The following DDX60 variants were observed in gnomAD, a reference collection of about 807,000 sequenced individuals.
DDX60 encodes the protein DExD/H-box helicase 60.
In DDX60, 165 loss-of-function variants were observed where a neutral mutation model predicts 212.8. The ratio of observed to expected loss-of-function variants is 0.78; its 90% CI spans 0.68 to 0.88. The LOEUF (loss-of-function observed/expected upper bound fraction) is 0.88, where lower values mean the gene tolerates loss of function less well. DDX60 is among the 40% of genes least tolerant of loss of function. The pLI is 0.00. For synonymous variants in DDX60, 703 were observed against 685.3 expected (o/e 1.03, Z -0.40); for missense variants, 1,905 against 2,003.9 (o/e 0.95, Z 0.94).
intron 33 of DDX60, among the ~76,000 whole-genome samples, chr4:168,234,311 C>A (rs1052215596): frequency 3.3e-5 from 5 of 151,860 alleles, no homozygotes; most frequent in Non-Finnish European, 7.4e-5. Flanking sequence ...TTTTCTCCAC[C>A]ATTTTTTTTT....
At position 168,252,558 on chromosome 4, in the gene DDX60, T is replaced by G; in HGVS notation, c.3656A>C (p.Glu1219Ala). ...AGCATATGTGCAGTCCTGTGGGATT[T>G]CCAGGTTCTTCTCTAGACACTTCAC... Reference protein sequence around the residue: ...NLVKCLEKNLEIPQDCTYADQ... With the variant: ...NLVKCLEKNLAIPQDCTYADQ... Residue 1219 changes from glutamate (E) to alanine (A), a missense_variant, in exon 27 of 38, where the codon GAA (glutamate) becomes GCA (alanine). By Grantham distance (107) the Glu-to-Ala change is moderately radical. Coordinates refer to ENST00000393743, the MANE Select transcript of DDX60 (RefSeq NM_017631.6). 6.2e-7 allele frequency: 1 copy of G among 1,614,092 alleles called. No homozygotes were observed. Among genetic ancestry groups the G allele is most frequent in the Non-Finnish European group, 8.5e-7 (1 of 1,179,978 alleles).
At position 168,311,336 on chromosome 4, in the gene DDX60, A is replaced by C. The variant is rs1737126208; in HGVS notation, c.-77T>G. ...AAATACCCTTTATTTTGGTACCTCT[A>C]AGTGGCAGTTCTTAATGAAAATGGC... is the stretch of plus-strand genomic sequence containing the variant. On this transcript the variant is annotated 5_prime_UTR_variant, in exon 2 of 38. Transcript: ENST00000393743. 6.7e-7 allele frequency: 1 copy of C among 1,497,028 alleles called. No homozygotes were observed. The highest frequency in any genetic ancestry group is 1.2e-5 in the South Asian group (1 of 83,372). The allele number at this position is 1,497,028 out of a possible 1,614,324, so 92.7% of individuals were successfully genotyped here. A position where few individuals can be genotyped will look rare whatever the true frequency, so the allele number is the denominator to read the frequency against.
chr4:168,249,049 T>G (rs2149503618), intron 28 of DDX60, among the ~76,000 whole-genome samples: 1 of 152,290 alleles, frequency 6.6e-6, no homozygotes, highest in East Asian at 1.9e-4. Context: ...CGTGAGCCAC[T>G]GCGCCAGGCC....
At chr4:168,269,608 A>G (rs1560842616) in intron 19 of DDX60, among the ~76,000 whole-genome samples, 1 of 152,172 alleles carries the variant, frequency 6.6e-6, no homozygotes, top group Non-Finnish European at 1.5e-5. Flanking sequence ...CTCAAAAAAA[A>G]AAAGTTTAAA....
chr4:168,220,787 G>T, intron 36 of DDX60, 70 bp from the exon 37 acceptor site: 1 of 853,488 alleles, frequency 1.2e-6, no homozygotes, highest in Non-Finnish European at 1.7e-6. Flanking sequence ...ATATTTAAAT[G>T]CTGAATTTAT....
intron 29 of DDX60, among the ~76,000 whole-genome samples, chr4:168,247,701 A>T (rs969779133): frequency 1.8e-4 from 28 of 152,222 alleles, no homozygotes; most frequent in Non-Finnish European, 4.4e-5. Flanking sequence ...GTGGATACAG[A>T]AATTGCAAGG....
At chr4:168,308,329 A>G (rs982903933) in intron 3 of DDX60, 134 bp from the exon 4 acceptor site, 1 of 591,182 alleles carries the variant, frequency 1.7e-6, no homozygotes, top group South Asian at 2.2e-5. Context: ...CAGTGTCTAC[A>G]CTAAGGCTTT....
At chr4:168,251,258 A>G in intron 27 of DDX60, 152 bp from the exon 28 acceptor site, 1 of 725,678 alleles carries the variant, frequency 1.4e-6, no homozygotes, top group East Asian at 2.8e-5. Context: ...ACATTATGGC[A>G]GCAACAGTAA....
At position 168,262,069 on chromosome 4, in the gene DDX60, A is replaced by C. The variant is rs185394341; in HGVS notation, c.3204T>G (p.Asp1068Glu). Residue 1068 changes from aspartate to glutamate, a missense_variant, in exon 24 of 38, where the codon GAT becomes GAG. Transcript: ENST00000393743. ...FNNKLVIKKM[D>E]ARKYEESLKA... is the part of the protein sequence containing the mutation. ...TTAGACTCTCTTCATATTTCCTAGC[A>C]TCCATCTTTTTAATGACTAATTTAT... 6.2e-7 allele frequency: 1 copy of C among 1,603,120 alleles called. No individual in the cohort carries two copies. The highest frequency in any genetic ancestry group is 2.3e-5 in the East Asian group (1 of 44,272).
intron 27 of DDX60, 143 bp from the exon 28 acceptor site, chr4:168,251,249 C>T (rs1560827891): frequency 2.7e-6 from 2 of 749,098 alleles, no homozygotes; most frequent in Non-Finnish European, 4.3e-6. Context: ...ATACAAAGAA[C>T]ATTATGGCAG....
chr4:168,287,338 T>C (rs1735904898), intron 9 of DDX60, 135 bp from the exon 10 acceptor site: 1 of 724,798 alleles, frequency 1.4e-6, no homozygotes. Context: ...AGTTCCACAC[T>C]GGACATAAAT....
At position 168,287,131 on chromosome 4, in the gene DDX60, AC is replaced by A. The variant is rs747925575; in HGVS notation, c.1255del (p.Val419SerfsTer12). The A allele has an allele frequency of 6.2e-7, 1 of 1,612,474 alleles. No homozygotes were observed. Among genetic ancestry groups the A allele is most frequent in the South Asian group, 1.1e-5 (1 of 90,822 alleles). Reference sequence around the variant, plus strand: ...TGGCTGTCCAACCTCAAAGTCTCTGACCAACTTTGATACGGTATTCCAGAGA... The same window carrying A: ...TGGCTGTCCAACCTCAAAGTCTCTGACAACTTTGATACGGTATTCCAGAGA... The part of the protein sequence containing the change: ...EYLWNTVSKL[V>X]RDFEVGQPFP... On this transcript the variant is annotated frameshift_variant, in exon 10 of 38. Coordinates refer to ENST00000393743, the MANE Select transcript of DDX60 (RefSeq NM_017631.6). LOFTEE classifies it high-confidence loss of function.
chr4:168,234,935 G>C (rs1457924044), intron 33 of DDX60, among the ~76,000 whole-genome samples: 1 of 151,958 alleles, frequency 6.6e-6, no homozygotes, highest in African/African-American at 2.4e-5. Context: ...TCTAGGTCAT[G>C]GATTTCTTAA....
Position 168,268,857 on chromosome 4 carries a change from G to T in DDX60, c.2783C>A (p.Thr928Asn). The T allele has an allele frequency of 6.5e-7, 1 of 1,528,394 alleles. No individual in the cohort carries two copies. The highest frequency in any genetic ancestry group is 8.9e-7 in the Non-Finnish European group (1 of 1,122,212). The allele number at this position is 1,528,394 out of a possible 1,614,324, so 94.7% of individuals were successfully genotyped here. The change falls in exon 20 of 38, where the codon ACC (threonine) becomes AAC (asparagine). Residue 928 changes from threonine to asparagine, a missense_variant. Transcript: ENST00000393743. ...CAAATTGAAACTTAATGCCTACTCG[G>T]TGAGATGTTCAGGATTACTTATGGT... ...SATISNPEHL[T>N]EWLQSVKWYW... is the part of the protein sequence containing the mutation.
At chr4:168,226,060 G>C (rs770769732) in intron 33 of DDX60, among the ~76,000 whole-genome samples, 24 of 152,066 alleles carry the variant, frequency 1.6e-4, no homozygotes, top group Non-Finnish European at 2.9e-4. Flanking sequence ...ATCTCGTTTT[G>C]TTTTGAGGGT....
Position 168,283,602 on chromosome 4 carries a change from T to G in DDX60, c.1566A>C (p.Lys522Asn). The G allele has an allele frequency of 6.3e-7, 1 of 1,591,060 alleles. No individual in the cohort carries two copies. The highest frequency in any genetic ancestry group is 8.5e-7 in the Non-Finnish European group (1 of 1,170,854). Residue 522 changes from lysine (K) to asparagine (N), a missense_variant, in exon 13 of 38, where the codon AAA becomes AAC. Transcript: ENST00000393743. The part of the protein sequence containing the change: ...YDRSRCQFDE[K>N]SRDPRVLRSV... ...ATCTAAGAACACGAGGGTCTCTAGA[T>G]TTTTCTGAAAAAGAAAAGACTTAAA...
rs372520184 is a variant in DDX60, at chr4:168,262,142, A to G, written c.3145-14T>C. On this transcript the variant is annotated splice_polypyrimidine_tract_variant and intron_variant, in intron 23 of 37. Transcript: ENST00000393743. ...TGGGCACAGTTCCTTGAAAACAAATATTACAAAATTAGGCACAATCATGCA... is the reference window on the plus strand; with the variant it reads ...TGGGCACAGTTCCTTGAAAACAAATGTTACAAAATTAGGCACAATCATGCA... 1.2e-4 allele frequency: 186 copies of G among 1,569,672 alleles called. No homozygotes were observed. The highest frequency in any genetic ancestry group is 1.5e-4 in the Non-Finnish European group (179 of 1,166,844).
At chr4:168,281,608 T>C (rs1041847669) in intron 13 of DDX60, among the ~76,000 whole-genome samples, 3 of 152,212 alleles carry the variant, frequency 2.0e-5, no homozygotes, top group Admixed American at 2.0e-4. Context: ...TCCAATTAAC[T>C]TAAACATAGT....
rs1737519500 is a variant in DDX60 at position 168,318,723 on chromosome 4, G to T, written c.-208C>A. On this transcript the variant is annotated 5_prime_UTR_variant, in exon 1 of 38. In the 5' UTR this introduces an upstream ATG that the reference lacks. Coordinates refer to ENST00000393743, the MANE Select transcript of DDX60 (RefSeq NM_017631.6). ...GCGCAGAGCCCAGGTGGAAGTTCCA[G>T]GTTACCCCAGACCTGGCCTAGGACT... The T allele has an allele frequency of 6.6e-6, 1 of 152,310 alleles. No individual in the cohort carries two copies. Among genetic ancestry groups the T allele is most frequent in the Non-Finnish European group, 1.5e-5 (1 of 68,084 alleles). The allele number at this position is 152,310 out of a possible 1,614,324, so 9.4% of individuals were successfully genotyped here.
Sources: allele counts gnomAD v4.1 joint callset (sites outside exome capture counted in the v4.1 genomes callset), GRCh38; gene constraint gnomAD v4.1.1; transcripts MANE v1.5; gene names NCBI Gene and HGNC (gene_info 2026-07-23, HGNC 2026-07-21).